The following CRACDL variants were observed in gnomAD, a reference collection of about 807,000 sequenced individuals.
The protein encoded by CRACDL is CRACD like.
CRACDL carries 26 observed loss-of-function variants against 70.6 expected under a neutral mutation model. The observed-to-expected ratio is 0.37, with a 90% CI of 0.27 to 0.51. CRACDL has a LOEUF of 0.51. Ranked by LOEUF, CRACDL falls within the 20% of genes least tolerant of loss-of-function variation. The pLI, the probability that CRACDL is intolerant of heterozygous loss-of-function variation, is 0.94. For missense variants in CRACDL, 1,283 were observed against 1,376.9 expected, an observed-to-expected ratio of 0.93 and a Z score of 1.08; for synonymous variants, 618 against 615.2, an observed-to-expected ratio of 1.00 and a Z score of -0.07.
At chr2:98,900,004 G>A (rs560881054) in intron 1 of CRACDL, among the ~76,000 whole-genome samples, 126 of 146,628 alleles carry the variant, frequency 8.6e-4, no homozygotes, top group Non-Finnish European at 1.4e-3. Context: ...TCAGCAGGAG[G>A]GGAGGCAGGA....
Position 98,869,236 on chromosome 2 carries a change from G to T in CRACDL, c.-10-22426C>A, listed in dbSNP as rs543148437. 2.2e-4 allele frequency: 283 copies of T among 1,289,672 alleles called. No homozygotes were observed. The Middle Eastern group carries it at 3.0e-3, about 14-fold the overall frequency. 79.9% of individuals were successfully genotyped at this position (1,289,672 alleles called of 1,614,324 possible). A position where few individuals can be genotyped will look rare whatever the true frequency, so the allele number is the denominator to read the frequency against. On this transcript the variant is annotated intron_variant, in intron 1 of 9. Transcript: ENST00000397899. ...GGCCCACGGGTCACCACTGGTTGCT[G>T]ATCAAGAGCCCTTGTCCCCATCTCT...
chr2:98,826,481 G>A (rs940642503), intron 6 of CRACDL, among the ~76,000 whole-genome samples: 3 of 152,230 alleles, frequency 2.0e-5, no homozygotes, highest in Admixed American at 6.5e-5. Context: ...TGTGGCGAGT[G>A]TTCTGAAGGA....
At chr2:98,875,805 AT>A (rs1203592201) in intron 1 of CRACDL, among the ~76,000 whole-genome samples, 1 of 152,242 alleles carries the variant, frequency 6.6e-6, no homozygotes, top group Non-Finnish European at 1.5e-5. Context: ...AAAAATAAAC[AT>A]GATAGGAACC....
intron 7 of CRACDL, among the ~76,000 whole-genome samples, chr2:98,818,330 C>T (rs950636627): frequency 6.6e-6 from 1 of 152,208 alleles, no homozygotes; most frequent in Non-Finnish European, 1.5e-5. Flanking sequence ...CAACCAACCA[C>T]CATTGCATCC....
intron 1 of CRACDL, among the ~76,000 whole-genome samples, chr2:98,922,594 A>G (rs1053817928): frequency 9.2e-5 from 14 of 152,216 alleles, no homozygotes; most frequent in African/African-American, 2.9e-4. Flanking sequence ...GATGCCCAGA[A>G]TACTCCCCAG....
intron 1 of CRACDL, among the ~76,000 whole-genome samples, chr2:98,913,175 T>C (rs1378327051): frequency 6.6e-6 from 1 of 152,160 alleles, no homozygotes; most frequent in African/African-American, 2.4e-5. Flanking sequence ...TACTATGTGC[T>C]CTCCCTCTGA....
At position 98,822,561 on chromosome 2, in the gene CRACDL, G is replaced by A. The variant is rs1230748545; in HGVS notation, c.1712C>T (p.Ala571Val). ...AERGGAELRG[A>V]KKFSVSSCRA... ...GCACGAGGACACCGAGAACTTCTTC[G>A]CGCCTCGCAGCTCGGCACCGCCCCT... The change falls in exon 7 of 10, where the codon GCG becomes GTG. Residue 571 changes from alanine to valine, a missense_variant. This residue lies in a region of CRACDL where 921 missense variants were observed against 881.9 expected (regional missense o/e 1.04). Coordinates refer to ENST00000397899, the MANE Select transcript of CRACDL (RefSeq NM_207362.3). The surrounding 1 kb of genome is among the most constrained non-coding windows in gnomAD (Gnocchi z 4.9). 1 of 1,464,006 alleles carries A rather than the reference G, an allele frequency of 6.8e-7. No homozygotes were observed. Among genetic ancestry groups the A allele is most frequent in the Non-Finnish European group, 9.0e-7 (1 of 1,115,740 alleles). 90.7% of individuals were successfully genotyped at this position (1,464,006 alleles called of 1,614,324 possible). A position where few individuals can be genotyped will look rare whatever the true frequency, so the allele number is the denominator to read the frequency against.
chr2:98,875,807 G>A (rs182546445), intron 1 of CRACDL, among the ~76,000 whole-genome samples: 264 of 152,342 alleles, frequency 1.7e-3, no homozygotes, highest in Non-Finnish European at 2.7e-3. Flanking sequence ...AAATAAACAT[G>A]ATAGGAACCT....
intron 1 of CRACDL, among the ~76,000 whole-genome samples, chr2:98,930,463 C>T (rs1384027522): frequency 9.4e-6 from 1 of 106,608 alleles, no homozygotes; most frequent in East Asian, 3.3e-4. Context: ...GTACCGTGTC[C>T]CCTACCCCAT....
At position 98,832,391 on chromosome 2, in the gene CRACDL, T is replaced by C; in HGVS notation, c.497A>G (p.Glu166Gly). ...EDDGLPRSPP[E>G]MSLLHDVGPG... The stretch of plus-strand genomic sequence containing the variant: ...ACCCACGTCGTGCAGCAGAGACATC[T>C]CTGGGGGGCTCCTGGGCAGCCCGTC... Residue 166 changes from glutamate (E) to glycine (G), a missense_variant, in exon 5 of 10, where the codon GAG becomes GGG. Glu to Gly is a moderately conservative substitution (Grantham distance 98). Transcript: ENST00000397899. 1 of 1,614,204 alleles carries C rather than the reference T, an allele frequency of 6.2e-7. No individual in the cohort carries two copies. Among genetic ancestry groups the C allele is most frequent in the Non-Finnish European group, 8.5e-7 (1 of 1,180,040 alleles).
chr2:98,847,092 A>C (rs537487328), intron 1 of CRACDL, among the ~76,000 whole-genome samples: 2 of 152,256 alleles, frequency 1.3e-5, no homozygotes, highest in Non-Finnish European at 2.9e-5. Flanking sequence ...GGTTTCTTTC[A>C]AAAAAGCTTT....
chr2:98,821,563 A>G (rs1206387862), intron 7 of CRACDL, among the ~76,000 whole-genome samples: 1 of 152,218 alleles, frequency 6.6e-6, no homozygotes, highest in Non-Finnish European at 1.5e-5. Flanking sequence ...CACATAAAAT[A>G]CACTAAACTA....
chr2:98,803,415 G>T (rs1381985178), intron 7 of CRACDL, among the ~76,000 whole-genome samples: 2 of 152,262 alleles, frequency 1.3e-5, no homozygotes, highest in Admixed American at 1.3e-4. Flanking sequence ...TGGGATTATG[G>T]GTGGGAGCCA....
intron 1 of CRACDL, among the ~76,000 whole-genome samples, chr2:98,880,061 G>T (rs954398487): frequency 1.3e-5 from 2 of 152,242 alleles, no homozygotes; most frequent in Non-Finnish European, 2.9e-5. Flanking sequence ...ATATCCCACA[G>T]TGCTGAGTAC....
chr2:98,799,689 G>C (rs1312501364), intron 7 of CRACDL, among the ~76,000 whole-genome samples: 1 of 152,106 alleles, frequency 6.6e-6, no homozygotes, highest in East Asian at 1.9e-4. Context: ...AGCTCAAATG[G>C]CCTCTGCCTA....
intron 7 of CRACDL, among the ~76,000 whole-genome samples, chr2:98,806,379 G>A (rs1704293150): frequency 1.3e-5 from 2 of 152,274 alleles, no homozygotes; most frequent in South Asian, 4.1e-4. Flanking sequence ...CACCCCAAGG[G>A]GCAGATGCCT....
chr2:98,830,648 T>C (rs988316411), intron 5 of CRACDL, among the ~76,000 whole-genome samples: 2 of 152,226 alleles, frequency 1.3e-5, no homozygotes, highest in African/African-American at 4.8e-5. Context: ...ATTGTCCATA[T>C]TACCCAATAA....
chr2:98,825,218 G>A (rs893543778), intron 6 of CRACDL, among the ~76,000 whole-genome samples: 6 of 152,154 alleles, frequency 3.9e-5, no homozygotes, highest in Non-Finnish European at 8.8e-5. Context: ...AGTGGATGGA[G>A]GAAAATATGG....
intron 1 of CRACDL, among the ~76,000 whole-genome samples, chr2:98,870,387 A>G (rs938476692): frequency 4.6e-5 from 7 of 152,252 alleles, no homozygotes; most frequent in African/African-American, 1.7e-4. Flanking sequence ...CAACGAATAC[A>G]TTTGATGATG....
Sources: gnomAD v4.1 joint callset for allele counts (sites outside exome capture counted in the v4.1 genomes callset) on GRCh38, gnomAD v4.1.1 for gene constraint, gnomAD v4.1.1 regional missense constraint, Gnocchi (gnomAD v3.1) non-coding constraint, MANE v1.5 for transcripts, NCBI Gene and HGNC (gene_info 2026-07-23, HGNC 2026-07-21) for gene names.